The following SDK1 variants were observed in gnomAD, a reference collection of about 807,000 sequenced individuals.
SDK1 encodes the protein protein sidekick-1.
In SDK1, 157 loss-of-function variants were observed where a neutral mutation model predicts 245.5. That is an observed-to-expected ratio of 0.64 (90% CI 0.56 to 0.73). The LOEUF is 0.73. Among genes scored for constraint, SDK1 ranks in the 30% least tolerant of loss-of-function variants. SDK1 has a pLI of 0.00. For missense variants in SDK1, 3,583 were observed against 3,002.3 expected (o/e 1.19, Z -4.52); for synonymous variants, 1,647 against 1,278.5 (o/e 1.29, Z -6.15).
intron 7 of SDK1, 125 bp from the exon 8 acceptor site, chr7:3,958,806 G>A (rs988893440): frequency 1.2e-5 from 9 of 769,370 alleles, no homozygotes; most frequent in African/African-American, 1.0e-4. Flanking sequence ...TTGTATGCAC[G>A]ATGCTAACTA....
chr7:3,341,943 T>C (rs1012001759), intron 1 of SDK1, among the ~76,000 whole-genome samples: 2 of 152,164 alleles, frequency 1.3e-5, no homozygotes. Context: ...AAAACCTGTA[T>C]GGAAAGGCAT....
At chr7:3,914,386 T>C (rs1233643659) in intron 5 of SDK1, among the ~76,000 whole-genome samples, 1 of 152,172 alleles carries the variant, frequency 6.6e-6, no homozygotes, top group Non-Finnish European at 1.5e-5. Flanking sequence ...AATGAAGAAA[T>C]GTGTGTACAT....
intron 5 of SDK1, among the ~76,000 whole-genome samples, chr7:3,935,335 G>T (rs1332124580): frequency 1.3e-5 from 2 of 152,164 alleles, no homozygotes; most frequent in Non-Finnish European, 2.9e-5. Context: ...TATGACATTA[G>T]ATTTAGGAAT....
intron 1 of SDK1, among the ~76,000 whole-genome samples, chr7:3,593,569 G>C (rs1392963528): frequency 3.3e-5 from 5 of 152,178 alleles, no homozygotes; most frequent in Admixed American, 1.3e-4. Flanking sequence ...GCATTGACTA[G>C]CCTCAGCTAA....
rs1314684538 is a variant in SDK1, at chr7:3,434,083, G to A, written c.298+132199G>A. Among the ~76,000 whole-genome samples, 2 of 152,106 alleles carry A rather than the reference G, an allele frequency of 1.3e-5. 1 individual carries two copies. Among genetic ancestry groups the A allele is most frequent in the Non-Finnish European group, 2.9e-5 (2 of 68,006 alleles). ...GGTGCAACAATGAAACAGAAACAAG[G>A]CAAAATCTATCCATATGGGCTCATC... is the stretch of plus-strand genomic sequence containing the variant. On this transcript the variant is annotated intron_variant, in intron 1 of 44. Coordinates refer to ENST00000404826, the MANE Select transcript of SDK1 (RefSeq NM_152744.4).
chr7:4,068,364 A>T (rs1310151629), intron 20 of SDK1, among the ~76,000 whole-genome samples: 1 of 152,136 alleles, frequency 6.6e-6, no homozygotes, highest in African/African-American at 2.4e-5. Flanking sequence ...CCTTTCCTTC[A>T]TTCAGCAGAT....
chr7:4,065,061 C>T (rs1779784069), intron 19 of SDK1, among the ~76,000 whole-genome samples: 1 of 151,980 alleles, frequency 6.6e-6, no homozygotes, highest in African/African-American at 2.4e-5. Context: ...AAGAGGATTT[C>T]GAATGTTCAC....
intron 4 of SDK1, among the ~76,000 whole-genome samples, chr7:3,756,360 C>T (rs1483739369): frequency 6.6e-6 from 1 of 151,348 alleles, no homozygotes; most frequent in African/African-American, 2.4e-5. Flanking sequence ...TGTTTTGAAC[C>T]TGACTCCTTT....
chr7:3,859,942 C>T (rs563024911), intron 5 of SDK1, among the ~76,000 whole-genome samples: 9 of 149,492 alleles, frequency 6.0e-5, no homozygotes, highest in East Asian at 2.0e-4. Flanking sequence ...TTTTTTGAGA[C>T]GGAGTCTTAC....
intron 4 of SDK1, among the ~76,000 whole-genome samples, chr7:3,801,513 T>C (rs1220931903): frequency 6.6e-6 from 1 of 152,198 alleles, no homozygotes; most frequent in East Asian, 1.9e-4. Flanking sequence ...AGATTGTCAT[T>C]GTGCTCTCTC....
chr7:3,741,006 C>G (rs1187124694), intron 4 of SDK1, among the ~76,000 whole-genome samples: 2 of 152,154 alleles, frequency 1.3e-5, no homozygotes, highest in Non-Finnish European at 2.9e-5. Context: ...TATCAGGGAC[C>G]TATCCTTGTG....
intron 4 of SDK1, among the ~76,000 whole-genome samples, chr7:3,650,036 A>G (rs1782961315): frequency 6.7e-6 from 1 of 149,080 alleles, no homozygotes; most frequent in Middle Eastern, 3.5e-3. Context: ...AAGGCAATTA[A>G]AATTGTGGTA....
intron 17 of SDK1, 35 bp from the exon 18 acceptor site, chr7:4,049,313 T>C: frequency 6.5e-7 from 1 of 1,545,436 alleles, no homozygotes. Context: ...CTCCTGCCAT[T>C]TGTTCTGCTG....
intron 2 of SDK1, among the ~76,000 whole-genome samples, chr7:3,638,023 A>G (rs2128650696): frequency 6.6e-6 from 1 of 152,364 alleles, no homozygotes; most frequent in South Asian, 2.1e-4. Flanking sequence ...CTACAGAGAG[A>G]GAATTATAAA....
intron 1 of SDK1, among the ~76,000 whole-genome samples, chr7:3,524,499 A>T (rs1783053016): frequency 6.6e-6 from 1 of 152,170 alleles, no homozygotes; most frequent in African/African-American, 2.4e-5. Flanking sequence ...GCTATGCCAA[A>T]CAGGCCTTAC....
chr7:3,436,632 G>C (rs747482063), intron 1 of SDK1, among the ~76,000 whole-genome samples: 1 of 152,094 alleles, frequency 6.6e-6, no homozygotes, highest in Non-Finnish European at 1.5e-5. Context: ...TCTTATTAAT[G>C]TTCTTGGCTA....
intron 1 of SDK1, among the ~76,000 whole-genome samples, chr7:3,360,186 A>C (rs1473774279): frequency 1.3e-5 from 2 of 152,210 alleles, no homozygotes; most frequent in African/African-American, 4.8e-5. Flanking sequence ...GGTAGAATGT[A>C]AACTCCAAGA....
At chr7:4,064,789 T>TG (rs1562753948) in intron 19 of SDK1, among the ~76,000 whole-genome samples, 1 of 152,066 alleles carries the variant, frequency 6.6e-6, no homozygotes, top group Non-Finnish European at 1.5e-5. Flanking sequence ...GGGCATTACA[T>TG]CAATGCCCTC....
At position 4,114,035 on chromosome 7, in the gene SDK1, AG is replaced by A; in HGVS notation, c.3586-1del. 2 of 1,613,506 alleles carry A rather than the reference AG, an allele frequency of 1.2e-6. No homozygotes were observed. The highest frequency in any genetic ancestry group is 1.7e-6 in the Non-Finnish European group (2 of 1,179,510). ...TCATCGCGACTCCTCGTTCCTTCCT[AG>A]CCCCTGCCGGATTCTCAGTACAACG... On this transcript the variant is annotated splice_acceptor_variant, in intron 24 of 44. Coordinates refer to ENST00000404826, the MANE Select transcript of SDK1 (RefSeq NM_152744.4). LOFTEE classifies it high-confidence loss of function.
Sources: gnomAD v4.1 joint callset for allele counts (sites outside exome capture counted in the v4.1 genomes callset) on GRCh38, gnomAD v4.1.1 for gene constraint, MANE v1.5 for transcripts, NCBI Gene and HGNC (gene_info 2026-07-23, HGNC 2026-07-21) for gene names.